Variants in SGK3 observed in about 807,000 individuals in gnomAD.
SGK3 encodes serum/glucocorticoid regulated kinase family member 3.
SGK3 carries 47 observed loss-of-function variants against 68.5 expected under a neutral mutation model. The observed-to-expected ratio is 0.69, with a 90% CI of 0.54 to 0.87. The LOEUF (loss-of-function observed/expected upper bound fraction) is 0.87. Ranked by LOEUF, SGK3 falls within the 40% of genes least tolerant of loss-of-function variation. The probability of loss-of-function intolerance (pLI) is 0.00; values close to 1 mark genes in which losing one functional copy is unlikely to be tolerated. For synonymous variants in SGK3, 181 were observed against 189.1 expected, an observed-to-expected ratio of 0.96 and a Z score of 0.35; for missense variants, 479 against 575.5, an observed-to-expected ratio of 0.83 and a Z score of 1.72.
chr8:66,761,433 G>A (rs1473194122), intron 1 of SGK3, among the ~76,000 whole-genome samples: 1 of 152,178 alleles, frequency 6.6e-6, no homozygotes, highest in East Asian at 1.9e-4. Flanking sequence ...TACCATCAGT[G>A]CAAATGTCAA....
At chr8:66,718,538 G>GT (rs949336118) in intron 1 of SGK3, among the ~76,000 whole-genome samples, 36 of 150,654 alleles carry the variant, frequency 2.4e-4, no homozygotes, top group East Asian at 3.9e-4. Context: ...TGTTTCGTTT[G>GT]TTTTTTTTGA....
In SGK3 at chr8:66,758,011, T is replaced by TACACACACACACAC. The variant is rs374764386; in HGVS notation, c.-121-35592_-121-35579dup. Among the ~76,000 whole-genome samples, 543 of 133,700 alleles carry TACACACACACACAC rather than the reference T, an allele frequency of 4.1e-3. 5 individuals carry two copies. Among genetic ancestry groups the TACACACACACACAC allele is most frequent in the African/African-American group, 0.012 (421 of 35,110 alleles). The allele number at this position is 133,700 out of a possible 152,430, so 87.7% of individuals were successfully genotyped here. Reference sequence around the variant, plus strand: ...TATGTATATATATACACACACACACTACACACACACACACACACACACACA... The same window carrying TACACACACACACAC: ...TATGTATATATATACACACACACACTACACACACACACACACACACACACACACACACACACACA... On this transcript the variant is annotated intron_variant, in intron 1 of 16. Coordinates refer to ENST00000521198, the MANE Select transcript of SGK3 (RefSeq NM_001033578.3).
At chr8:66,760,323 CTTTTTTCTTTTTT>C (rs1806118477) in intron 1 of SGK3, among the ~76,000 whole-genome samples, 1 of 131,860 alleles carries the variant, frequency 7.6e-6, no homozygotes, top group Admixed American at 7.5e-5. Context: ...TGTTCATTTT[CTTTTTTCTTTTTT>C]TTTTTTTTTT....
chr8:66,783,596 C>T (rs1415632151), intron 1 of SGK3, among the ~76,000 whole-genome samples: 4 of 152,330 alleles, frequency 2.6e-5, no homozygotes, highest in Non-Finnish European at 4.4e-5. Context: ...TGGCTCACTG[C>T]AACCTTCACC....
At chr8:66,850,982 G>C in intron 16 of SGK3, 62 bp downstream of exon 16, 1 of 1,485,928 alleles carries the variant, frequency 6.7e-7, no homozygotes, top group Non-Finnish European at 9.1e-7. Flanking sequence ...TTCATTGTAA[G>C]TTTGAAACTA....
chr8:66,792,704 C>T (rs909688687), intron 1 of SGK3, among the ~76,000 whole-genome samples: 26 of 152,076 alleles, frequency 1.7e-4, no homozygotes, highest in Non-Finnish European at 5.9e-5. Context: ...TGTAATGAGA[C>T]CCTGTCTCTT....
chr8:66,793,766 G>A lies in SGK3; in HGVS notation c.30G>A (p.Lys10=). The change falls in exon 2 of 17, where the codon AAG becomes AAA. Residue 10 remains lysine (K), a synonymous_variant. Coordinates refer to ENST00000521198, the MANE Select transcript of SGK3 (RefSeq NM_001033578.3). ...AAAGAGATCACACCATGGACTACAAGGAAAGCTGCCCAAGTGTAAGCATTC... is the reference window on the plus strand; with the variant it reads ...AAAGAGATCACACCATGGACTACAAAGAAAGCTGCCCAAGTGTAAGCATTC... MQRDHTMDY[K]ESCPSVSIPS... 1.2e-6 allele frequency: 2 copies of A among 1,613,290 alleles called. No homozygotes were observed. Among genetic ancestry groups the A allele is most frequent in the Non-Finnish European group, 1.7e-6 (2 of 1,179,560 alleles).
At position 66,757,956 on chromosome 8, in the gene SGK3, T is replaced by TAC. The variant is rs976516725; in HGVS notation, c.-121-35653_-121-35652dup. Among the ~76,000 whole-genome samples, 73 of 147,270 alleles carry TAC rather than the reference T, an allele frequency of 5.0e-4. 1 individual carries two copies. The highest frequency in any genetic ancestry group is 1.5e-3 in the African/African-American group (58 of 39,808). Reference sequence around the variant, plus strand: ...ATATATATATATACATATATATATATACACACACTATATATATACACACAC... The same window carrying TAC: ...ATATATATATATACATATATATATATACACACACACTATATATATACACACAC... On this transcript the variant is annotated intron_variant, in intron 1 of 16. Coordinates refer to ENST00000521198, the MANE Select transcript of SGK3 (RefSeq NM_001033578.3).
At chr8:66,723,124 TA>T (rs1563595335) in intron 1 of SGK3, among the ~76,000 whole-genome samples, 52 of 56,816 alleles carry the variant, frequency 9.2e-4, no homozygotes, top group East Asian at 4.3e-3. Context: ...TATATATATA[TA>T]TATATATTTT....
chr8:66,841,996 G>C (rs1261403196), intron 13 of SGK3, among the ~76,000 whole-genome samples: 1 of 152,060 alleles, frequency 6.6e-6, no homozygotes, highest in Admixed American at 6.6e-5. Context: ...TGTTGAAAAC[G>C]TGTGAGAGAA....
intron 1 of SGK3, among the ~76,000 whole-genome samples, chr8:66,729,615 T>C (rs1805085350): frequency 6.6e-6 from 1 of 152,214 alleles, no homozygotes; most frequent in African/African-American, 2.4e-5. Flanking sequence ...AACATATATG[T>C]TTTAATTTCC....
intron 12 of SGK3, 47 bp from the exon 13 acceptor site, chr8:66,840,977 A>G (rs370089004): frequency 9.4e-6 from 13 of 1,382,060 alleles, no homozygotes; most frequent in East Asian, 2.5e-5. Context: ...AAAATTGTCA[A>G]TTCATATTTA....
chr8:66,789,510 G>A (rs1237415439), intron 1 of SGK3, among the ~76,000 whole-genome samples: 1 of 152,140 alleles, frequency 6.6e-6, no homozygotes, highest in Non-Finnish European at 1.5e-5. Context: ...TCTATTACTA[G>A]GGAAATAAGC....
At chr8:66,757,294 G>C (rs1337755821) in intron 1 of SGK3, among the ~76,000 whole-genome samples, 1 of 151,842 alleles carries the variant, frequency 6.6e-6, no homozygotes, top group African/African-American at 2.4e-5. Context: ...ACCACACCTA[G>C]CTAATTTTTG....
intron 1 of SGK3, among the ~76,000 whole-genome samples, chr8:66,727,225 C>T (rs182634687): frequency 3.0e-4 from 46 of 152,162 alleles, no homozygotes; most frequent in East Asian, 2.7e-3. Context: ...CCTAAGCCTC[C>T]GGAGTAGCTG....
At chr8:66,856,191 C>A (rs549975351) in intron 16 of SGK3, among the ~76,000 whole-genome samples, 1 of 152,152 alleles carries the variant, frequency 6.6e-6, no homozygotes, top group East Asian at 1.9e-4. Context: ...CCTTAGCCTC[C>A]CAAGTAGCTG....
At chr8:66,785,015 G>T (rs1807143416) in intron 1 of SGK3, among the ~76,000 whole-genome samples, 2 of 152,196 alleles carry the variant, frequency 1.3e-5, no homozygotes, top group South Asian at 4.1e-4. Context: ...CTCTCAGTTA[G>T]ATGTTTACAT....
chr8:66,817,600 C>G (rs946690442), intron 5 of SGK3, among the ~76,000 whole-genome samples: 1 of 151,932 alleles, frequency 6.6e-6, no homozygotes, highest in Admixed American at 6.6e-5. Context: ...TTATCTCCCC[C>G]CTCGGCCTCC....
chr8:66,747,476 T>G (rs1238263671), intron 1 of SGK3, among the ~76,000 whole-genome samples: 3 of 152,198 alleles, frequency 2.0e-5, no homozygotes, highest in Non-Finnish European at 4.4e-5. Context: ...GCAGGAGAAC[T>G]AAAGGAGACC....
Sources: gnomAD v4.1 joint callset for allele counts (sites outside exome capture counted in the v4.1 genomes callset) on GRCh38, gnomAD v4.1.1 for gene constraint, MANE v1.5 for transcripts, NCBI Gene and HGNC (gene_info 2026-07-23, HGNC 2026-07-21) for gene names.